Variants in HLA-G observed in about 807,000 individuals in gnomAD.
The protein encoded by HLA-G is major histocompatibility complex, class I, G.
Under a neutral mutation model 39.3 loss-of-function variants are expected in HLA-G, and 34 were observed. The ratio of observed to expected loss-of-function variants is 0.86; its 90% CI spans 0.66 to 1.15. The LOEUF is 1.15. Among genes scored for constraint, HLA-G ranks in the 50% most tolerant of loss-of-function variants. HLA-G has a pLI of 0.00. For synonymous variants in HLA-G, 183 were observed against 185.8 expected, an observed-to-expected ratio of 0.99 and a Z score of 0.12; for missense variants, 419 against 456.4, an observed-to-expected ratio of 0.92 and a Z score of 0.75.
In HLA-G at chr6:29,829,898, G is replaced by A. The variant is rs564772039; in HGVS notation, c.978G>A (p.Ala326=). 380 of 1,613,804 alleles carry A rather than the reference G, an allele frequency of 2.4e-4. 5 individuals carry two copies. In the South Asian group the frequency reaches 3.7e-3, roughly 16 times the overall value. Residue 326 remains alanine, a synonymous_variant, in exon 5 of 7, where the codon GCG becomes GCA. Coordinates refer to ENST00000360323, the MANE Select transcript of HLA-G (RefSeq NM_001384290.1). ...VVLAAVVTGA[A]VAAVLWRKKS... is the part of the protein sequence containing the mutation. ...TTGCAGCTGTAGTCACTGGAGCTGC[G>A]GTCGCTGCTGTGCTGTGGAGAAAGA...
intron 5 of HLA-G, 59 bp downstream of exon 5, chr6:29,829,991 C>T (rs913892318): frequency 3.9e-6 from 5 of 1,288,684 alleles, no homozygotes; most frequent in South Asian, 2.5e-5. Flanking sequence ...GGTTTCAAGC[C>T]CCAGGTAGAA....
chr6:29,828,709 G>C lies in HLA-G; in HGVS notation c.510G>C (p.Lys170Asn), dbSNP rs994268951. The change falls in exon 3 of 7, where the codon AAG becomes AAC. Residue 170 changes from lysine (K) to asparagine (N), a missense_variant. By Grantham distance (94) the Lys-to-Asn change is moderately conservative. Transcript: ENST00000360323. ...ADTAAQISKR[K>N]CEAANVAEQR... is the part of the protein sequence containing the mutation. ...CTGCGGCTCAGATCTCCAAGCGCAAGTGTGAGGCGGCCAATGTGGCTGAAC... is the reference window on the plus strand; with the variant it reads ...CTGCGGCTCAGATCTCCAAGCGCAACTGTGAGGCGGCCAATGTGGCTGAAC... 1 of 1,613,714 alleles carries C rather than the reference G, an allele frequency of 6.2e-7. No individual in the cohort carries two copies. Among genetic ancestry groups the C allele is most frequent in the Non-Finnish European group, 8.5e-7 (1 of 1,180,052 alleles).
chr6:29,828,191 C>T lies in HLA-G; in HGVS notation c.218C>T (p.Ala73Val), dbSNP rs1562468081. ...GCGTGTCCGAGGATGGAGCCGCGGG[C>T]GCCGTGGGTGGAGCAGGAGGGGCCG... ...DSACPRMEPRAPWVEQEGPEY... is the reference protein window; with the variant it reads ...DSACPRMEPRVPWVEQEGPEY... The change falls in exon 2 of 7, where the codon GCG becomes GTG. Residue 73 changes from alanine to valine, a missense_variant. Physicochemically the swap from Ala to Val is moderately conservative, Grantham distance 64 (BLOSUM62 0). Around this residue, in one of 2 missense-constraint regions of HLA-G, gnomAD observed 91 missense variants for 133.4 expected, o/e 0.68. Coordinates refer to ENST00000360323, the MANE Select transcript of HLA-G (RefSeq NM_001384290.1). 6.2e-7 allele frequency: 1 copy of T among 1,613,320 alleles called. No individual in the cohort carries two copies.
intron 5 of HLA-G, 51 bp downstream of exon 5, chr6:29,829,983 T>C (rs939338724): frequency 1.5e-6 from 2 of 1,341,186 alleles, no homozygotes; most frequent in African/African-American, 2.9e-5. Context: ...CCACTGGGGG[T>C]TTCAAGCCCC....
chr6:29,830,258 C>T, intron 5 of HLA-G, 120 bp from the exon 6 acceptor site: 2 of 1,128,066 alleles, frequency 1.8e-6, no homozygotes, highest in South Asian at 1.2e-5. Context: ...CTGATCCCGC[C>T]CTGGGTCTGC....
At chr6:29,829,340 G>A in intron 3 of HLA-G, 78 bp from the exon 4 acceptor site, 1 of 1,494,470 alleles carries the variant, frequency 6.7e-7, no homozygotes, top group Non-Finnish European at 9.2e-7. Flanking sequence ...TTCATTCTTA[G>A]GATGGTCACA....
chr6:29,826,638 G>C (rs1303964609), upstream of HLA-G, among the ~76,000 whole-genome samples: 1 of 152,196 alleles, frequency 6.6e-6, no homozygotes, highest in African/African-American at 2.4e-5. Context: ...GTGAGGAAAA[G>C]GAGCAGAGGA....
chr6:29,828,451 GA>G (rs1760901090), intron 2 of HLA-G, 91 bp from the exon 3 acceptor site: 1 of 1,520,220 alleles, frequency 6.6e-7, no homozygotes, highest in East Asian at 2.4e-5. Context: ...CTACCTGGGA[GA>G]ACCCCAAGGC....
rs901286567 is a variant in HLA-G, at chr6:29,828,678, C to A, written c.479C>A (p.Ala160Glu). 6.2e-7 allele frequency: 1 copy of A among 1,613,610 alleles called. No homozygotes were observed. ...GAGGACCTGCGCTCCTGGACCGCAGCGGACACTGCGGCTCAGATCTCCAAG... is the reference window on the plus strand; with the variant it reads ...GAGGACCTGCGCTCCTGGACCGCAGAGGACACTGCGGCTCAGATCTCCAAG... ...LNEDLRSWTAADTAAQISKRK... is the reference protein window; with the variant it reads ...LNEDLRSWTAEDTAAQISKRK... Residue 160 changes from alanine to glutamate, a missense_variant, in exon 3 of 7, where the codon GCG becomes GAG. Around this residue, in one of 2 missense-constraint regions of HLA-G, gnomAD observed 328 missense variants for 323.0 expected, o/e 1.02. Transcript: ENST00000360323.
upstream of HLA-G, chr6:29,827,729 C>G: frequency 9.5e-7 from 1 of 1,056,442 alleles, no homozygotes; most frequent in South Asian, 1.3e-5. Flanking sequence ...CCGGGCGGCC[C>G]CAGTTCTCAC....
chr6:29,829,876 C>A lies in HLA-G; in HGVS notation c.956C>A (p.Ala319Glu), dbSNP rs1385852462. ...MGIVAGLVVLAAVVTGAAVAA... is the reference protein window; with the variant it reads ...MGIVAGLVVLEAVVTGAAVAA... ...ATCGTTGCTGGCCTGGTTGTCCTTG[C>A]AGCTGTAGTCACTGGAGCTGCGGTC... The change falls in exon 5 of 7, where the codon GCA becomes GAA. Residue 319 changes from alanine (A) to glutamate (E), a missense_variant. Transcript: ENST00000360323. 1 of 1,614,030 alleles carries A rather than the reference C, an allele frequency of 6.2e-7. No homozygotes were observed. The highest frequency in any genetic ancestry group is 1.7e-5 in the Admixed American group (1 of 60,010).
In HLA-G at chr6:29,828,846, G is replaced by T. The variant is rs1490149577; in HGVS notation, c.619+28G>T. 1.9e-6 allele frequency: 3 copies of T among 1,613,708 alleles called. No individual in the cohort carries two copies. The Admixed American group carries it at 5.0e-5, about 27-fold the overall frequency. On this transcript the variant is annotated intron_variant, in intron 3 of 6. Coordinates refer to ENST00000360323, the MANE Select transcript of HLA-G (RefSeq NM_001384290.1). ...ACCAGGGGCAGTGGGGCGCCTCCCT[G>T]ATCTCCTGTAGACCTCTCAGCCTGG...
chr6:29,829,902 G>A lies in HLA-G; in HGVS notation c.982G>A (p.Ala328Thr), dbSNP rs747314068. 8.7e-6 allele frequency: 14 copies of A among 1,613,700 alleles called. No individual in the cohort carries two copies. Among genetic ancestry groups the A allele is most frequent in the South Asian group, 7.7e-5 (7 of 91,078 alleles). ...LAAVVTGAAVAAVLWRKKSSD is the reference protein window; with the variant it reads ...LAAVVTGAAVTAVLWRKKSSD Reference sequence around the variant, plus strand: ...AGCTGTAGTCACTGGAGCTGCGGTCGCTGCTGTGCTGTGGAGAAAGAAGAG... The same window carrying A: ...AGCTGTAGTCACTGGAGCTGCGGTCACTGCTGTGCTGTGGAGAAAGAAGAG... The change falls in exon 5 of 7, where the codon GCT becomes ACT. Residue 328 changes from alanine to threonine, a missense_variant. Physicochemically the swap from Ala to Thr is moderately conservative, Grantham distance 58. Transcript: ENST00000360323.
At chr6:29,828,503 G>A (rs1468611518) in intron 2 of HLA-G, 40 bp from the exon 3 acceptor site, 4 of 1,598,544 alleles carry the variant, frequency 2.5e-6, no homozygotes, top group South Asian at 1.1e-5. Context: ...GGGCGAGGGC[G>A]AGGCTCGGTG....
intron 6 of HLA-G, 40 bp from the exon 7 acceptor site, chr6:29,830,728 T>C: frequency 1.4e-5 from 8 of 561,280 alleles, no homozygotes; most frequent in South Asian, 1.2e-4. Flanking sequence ...CACCCCTCAC[T>C]GTGACTGATA....
chr6:29,827,329 A>G (rs1357885572), upstream of HLA-G: 8 of 357,020 alleles, frequency 2.2e-5, no homozygotes, highest in African/African-American at 1.7e-4. Context: ...CTTTACACCT[A>G]CAATCCCAGG....
Position 29,828,041 on chromosome 6 carries a change from C to A in HLA-G, c.74-6C>A. 1.2e-6 allele frequency: 2 copies of A among 1,609,820 alleles called. No homozygotes were observed. Among genetic ancestry groups the A allele is most frequent in the East Asian group, 4.5e-5 (2 of 44,796 alleles). ...CGGGCGGGTCTCAACCCCTCCTCGC[C>A]CCCAGGCTCCCACTCCATGAGGTAT... On this transcript the variant is annotated splice_region_variant and splice_polypyrimidine_tract_variant and intron_variant, in intron 1 of 6. Coordinates refer to ENST00000360323, the MANE Select transcript of HLA-G (RefSeq NM_001384290.1).
rs745343159 is a variant in HLA-G at position 29,827,935 on chromosome 6, A to T, written c.73+18A>T. 3.1e-6 allele frequency: 5 copies of T among 1,605,206 alleles called. No individual in the cohort carries two copies. The highest frequency in any genetic ancestry group is 4.3e-6 in the Non-Finnish European group (5 of 1,176,354). On this transcript the variant is annotated intron_variant, in intron 1 of 6. Transcript: ENST00000360323. ...CTGGGCGGGTGAGTGCGGGGTCAGG[A>T]GGGAAACAGCCCCTGCGCGGAGGAG...
At chr6:29,827,515 C>T (rs1397798305), upstream of HLA-G, 8 of 383,850 alleles carry the variant, frequency 2.1e-5, no homozygotes, top group Non-Finnish European at 4.0e-5. Flanking sequence ...GTTTCTCAGA[C>T]AGCTCCTGGG....
Sources: gnomAD v4.1 joint callset for allele counts (sites outside exome capture counted in the v4.1 genomes callset) on GRCh38, gnomAD v4.1.1 for gene constraint, gnomAD v4.1.1 regional missense constraint, MANE v1.5 for transcripts, NCBI Gene and HGNC (gene_info 2026-07-23, HGNC 2026-07-21) for gene names.